GRIA4: variants seen among roughly 807,000 people sequenced by gnomAD.
The protein encoded by GRIA4 is glutamate ionotropic receptor AMPA type subunit 4.
GRIA4 carries 34 observed loss-of-function variants against 104.0 expected under a neutral mutation model. The observed-to-expected ratio is 0.33, with a 90% CI of 0.25 to 0.44. The LOEUF is 0.44. Ranked by LOEUF, GRIA4 falls within the 20% of genes least tolerant of loss-of-function variation. The pLI is 1.00. For missense variants in GRIA4, 750 were observed against 1,096.5 expected, an observed-to-expected ratio of 0.68 and a Z score of 4.46; for synonymous variants, 386 against 381.9, an observed-to-expected ratio of 1.01 and a Z score of -0.13.
intron 3 of GRIA4, among the ~76,000 whole-genome samples, chr11:105,691,154 A>T (rs1028665066): frequency 2.6e-5 from 4 of 152,262 alleles, no homozygotes; most frequent in African/African-American, 9.6e-5. Context: ...GATGATATCA[A>T]TTTTCTTTAA....
At chr11:105,937,469 G>A (rs909098685) in intron 14 of GRIA4, among the ~76,000 whole-genome samples, 7 of 151,976 alleles carry the variant, frequency 4.6e-5, no homozygotes, top group Non-Finnish European at 8.8e-5. Flanking sequence ...ATCATCATTC[G>A]GTTGACATAG....
At chr11:105,942,198 GA>G in intron 14 of GRIA4, among the ~76,000 whole-genome samples, 1 of 152,058 alleles carries the variant, frequency 6.6e-6, no homozygotes, top group Middle Eastern at 3.4e-3. Flanking sequence ...TAGGACCCAG[GA>G]AAAGTTGACT....
intron 4 of GRIA4, among the ~76,000 whole-genome samples, chr11:105,849,491 A>G (rs1012535372): frequency 6.6e-6 from 1 of 152,204 alleles, no homozygotes; most frequent in African/African-American, 2.4e-5. Flanking sequence ...TGCCTTTTGT[A>G]AAATGAATAG....
At chr11:105,807,001 C>T (rs141878568) in intron 4 of GRIA4, among the ~76,000 whole-genome samples, 1 of 151,646 alleles carries the variant, frequency 6.6e-6, no homozygotes, top group East Asian at 1.9e-4. Flanking sequence ...GTCCATGACA[C>T]CAAATAGTCA....
At chr11:105,756,230 C>T (rs1940303021) in intron 4 of GRIA4, among the ~76,000 whole-genome samples, 1 of 152,062 alleles carries the variant, frequency 6.6e-6, no homozygotes, top group Non-Finnish European at 1.5e-5. Flanking sequence ...ATTACAGATA[C>T]CAACTGCTTT....
At chr11:105,818,745 A>G (rs1184491431) in intron 4 of GRIA4, among the ~76,000 whole-genome samples, 1 of 152,144 alleles carries the variant, frequency 6.6e-6, no homozygotes, top group East Asian at 1.9e-4. Flanking sequence ...AATAGGACAG[A>G]AAAGGCAGGC....
chr11:105,954,175 T>C (rs960026245), intron 14 of GRIA4, among the ~76,000 whole-genome samples: 1 of 152,106 alleles, frequency 6.6e-6, no homozygotes, highest in Admixed American at 6.6e-5. Flanking sequence ...AGAAGCCAAA[T>C]ACATCACATG....
At chr11:105,781,196 A>G (rs937668449) in intron 4 of GRIA4, among the ~76,000 whole-genome samples, 14 of 152,110 alleles carry the variant, frequency 9.2e-5, no homozygotes, top group Non-Finnish European at 1.5e-5. Flanking sequence ...TTGCCACAAA[A>G]CCCTTTGAAA....
intron 14 of GRIA4, among the ~76,000 whole-genome samples, chr11:105,954,102 A>T (rs1398036754): frequency 1.3e-5 from 2 of 152,176 alleles, no homozygotes; most frequent in African/African-American, 4.8e-5. Flanking sequence ...ATGTCTGCTA[A>T]TTGATGCATT....
intron 4 of GRIA4, chr11:105,824,825 T>C (rs891041503): frequency 6.6e-6 from 1 of 152,140 alleles, no homozygotes; most frequent in Non-Finnish European, 1.5e-5. Context: ...CAGCCGGAGA[T>C]ACTTAAGGCT....
intron 4 of GRIA4, among the ~76,000 whole-genome samples, chr11:105,805,415 A>C (rs192836926): frequency 2.3e-4 from 34 of 150,530 alleles, no homozygotes; most frequent in African/African-American, 8.3e-4. Flanking sequence ...ATAGCTTTCC[A>C]ATCAGTCAAA....
At chr11:105,727,455 C>T (rs1282848685) in intron 3 of GRIA4, among the ~76,000 whole-genome samples, 1 of 152,062 alleles carries the variant, frequency 6.6e-6, no homozygotes, top group Non-Finnish European at 1.5e-5. Flanking sequence ...AAACACTGTT[C>T]AGAATATTAT....
At chr11:105,920,923 G>A (rs934486854) in intron 11 of GRIA4, among the ~76,000 whole-genome samples, 3 of 151,970 alleles carry the variant, frequency 2.0e-5, no homozygotes, top group Non-Finnish European at 4.4e-5. Flanking sequence ...GTTTCTCAAC[G>A]TTTTTTTGTT....
At chr11:105,853,595 T>C (rs1304875528) in intron 4 of GRIA4, among the ~76,000 whole-genome samples, 1 of 152,174 alleles carries the variant, frequency 6.6e-6, no homozygotes, top group Non-Finnish European at 1.5e-5. Context: ...AGAAGCTATC[T>C]CTGGGATGAA....
At chr11:105,955,287 A>G (rs1023550140) in intron 14 of GRIA4, among the ~76,000 whole-genome samples, 15 of 151,718 alleles carry the variant, frequency 9.9e-5, no homozygotes, top group African/African-American at 3.6e-4. Flanking sequence ...CAACCCTCCA[A>G]CAGGCCCTGG....
intron 4 of GRIA4, among the ~76,000 whole-genome samples, chr11:105,810,735 C>A (rs1282089066): frequency 6.6e-6 from 1 of 152,104 alleles, no homozygotes; most frequent in South Asian, 2.1e-4. Context: ...GTAAAGCCTG[C>A]CTGAATATTC....
Position 105,980,725 on chromosome 11 carries a change from A to G in GRIA4, c.*986A>G, listed in dbSNP as rs1472166798. On this transcript the variant is annotated 3_prime_UTR_variant, in exon 17 of 17. Transcript: ENST00000282499. Reference sequence around the variant, plus strand: ...GTTCTTACAATATCTACAGAGCTTAAAAGTTTTTTCTTATCGTTATAAAAG... The same window carrying G: ...GTTCTTACAATATCTACAGAGCTTAGAAGTTTTTTCTTATCGTTATAAAAG... 6.6e-6 allele frequency: 1 copy of G among 152,642 alleles called. No individual in the cohort carries two copies. Among genetic ancestry groups the G allele is most frequent in the Non-Finnish European group, 1.5e-5 (1 of 68,034 alleles). 9.5% of individuals were successfully genotyped at this position (152,642 alleles called of 1,614,324 possible). A position where few individuals can be genotyped will look rare whatever the true frequency, so the allele number is the denominator to read the frequency against.
At chr11:105,844,238 A>G (rs1178552737) in intron 4 of GRIA4, among the ~76,000 whole-genome samples, 6 of 152,180 alleles carry the variant, frequency 3.9e-5, no homozygotes, top group Admixed American at 3.9e-4. Flanking sequence ...AAAGTGACCA[A>G]CCCAATATGA....
chr11:105,744,087 C>T (rs1441843329), intron 3 of GRIA4, among the ~76,000 whole-genome samples: 1 of 152,158 alleles, frequency 6.6e-6, no homozygotes, highest in Non-Finnish European at 1.5e-5. Context: ...TCCACTCCAC[C>T]CTCTGAGAAG....
Sources: allele counts gnomAD v4.1 joint callset (sites outside exome capture counted in the v4.1 genomes callset), GRCh38; gene constraint gnomAD v4.1.1; transcripts MANE v1.5; gene names NCBI Gene and HGNC (gene_info 2026-07-23, HGNC 2026-07-21).